Variants in DGKB observed in about 807,000 individuals in gnomAD.
DGKB encodes the protein 90 kDa diacylglycerol kinase.
Under a neutral mutation model 114.3 loss-of-function variants are expected in DGKB, and 67 were observed. That is an observed-to-expected ratio of 0.59 (90% confidence interval 0.48 to 0.72). DGKB has a LOEUF of 0.72. DGKB is among the 30% of genes least tolerant of loss of function. The pLI is 0.00. For missense variants in DGKB, 907 were observed against 975.2 expected (o/e 0.93, Z 0.93); for synonymous variants, 398 against 323.1 (o/e 1.23, Z -2.49).
chr7:14,662,060 TGG>T (rs1817213726), intron 13 of DGKB, among the ~76,000 whole-genome samples: 1 of 151,348 alleles, frequency 6.6e-6, no homozygotes, highest in Admixed American at 6.6e-5. Flanking sequence ...CGTTGTGGGG[TGG>T]GGTTAGGGGA....
intron 13 of DGKB, among the ~76,000 whole-genome samples, chr7:14,642,523 T>C (rs923274599): frequency 4.6e-5 from 7 of 152,144 alleles, no homozygotes; most frequent in African/African-American, 1.7e-4. Flanking sequence ...TTAGGTACTG[T>C]CCAATACAGA....
intron 9 of DGKB, among the ~76,000 whole-genome samples, chr7:14,685,977 T>C (rs1821613461): frequency 6.6e-6 from 1 of 152,184 alleles, no homozygotes; most frequent in South Asian, 2.1e-4. Flanking sequence ...AATAGTATAT[T>C]TTAAAAGGCA....
intron 12 of DGKB, among the ~76,000 whole-genome samples, chr7:14,676,843 G>GA (rs1819949833): frequency 6.6e-6 from 1 of 151,594 alleles, no homozygotes; most frequent in African/African-American, 2.4e-5. Flanking sequence ...GCGCACCAGA[G>GA]AAAATCAAAT....
At chr7:14,536,382 C>A (rs1463412652) in intron 20 of DGKB, among the ~76,000 whole-genome samples, 1 of 152,084 alleles carries the variant, frequency 6.6e-6, no homozygotes, top group African/African-American at 2.4e-5. Context: ...AATGCAATAT[C>A]CCTAATTAAC....
intron 21 of DGKB, among the ~76,000 whole-genome samples, chr7:14,467,564 T>C (rs938246265): frequency 6.6e-6 from 1 of 152,142 alleles, no homozygotes; most frequent in Non-Finnish European, 1.5e-5. Flanking sequence ...TGGCATTACA[T>C]ATCCCAATAT....
intron 25 of DGKB, among the ~76,000 whole-genome samples, chr7:14,158,083 G>A (rs941197428): frequency 2.0e-5 from 3 of 152,132 alleles, no homozygotes; most frequent in East Asian, 1.9e-4. Flanking sequence ...TTTGACCTTC[G>A]GTCTCTGTTT....
At chr7:14,162,065 G>A (rs1326799654) in intron 25 of DGKB, among the ~76,000 whole-genome samples, 2 of 152,134 alleles carry the variant, frequency 1.3e-5, no homozygotes, top group African/African-American at 4.8e-5. Flanking sequence ...CAACAATACA[G>A]ATTATTGCCT....
chr7:14,319,886 A>G (rs1807407521), intron 23 of DGKB, among the ~76,000 whole-genome samples: 1 of 152,304 alleles, frequency 6.6e-6, no homozygotes, highest in Non-Finnish European at 1.5e-5. Flanking sequence ...TTCATCCACA[A>G]GCATCTTCTT....
intron 21 of DGKB, among the ~76,000 whole-genome samples, chr7:14,384,487 G>C (rs1820006213): frequency 6.6e-6 from 1 of 151,842 alleles, no homozygotes; most frequent in East Asian, 1.9e-4. Context: ...TTACTATCTG[G>C]ATTCATACAG....
rs540033616 is a variant in DGKB, at chr7:14,465,008, C to T, written c.1835+13153G>A. The stretch of plus-strand genomic sequence containing the variant: ...GAGTAGCAGCGACAGGGGCGACTCT[C>T]AGTGGAAAAACTTGGTGAAGATGCT... On this transcript the variant is annotated intron_variant, in intron 21 of 25. Transcript: ENST00000402815. Among the ~76,000 whole-genome samples, 341 of 152,110 alleles carry T rather than the reference C, an allele frequency of 2.2e-3. 2 individuals carry two copies. Among genetic ancestry groups the T allele is most frequent in the Non-Finnish European group, 1.7e-3 (113 of 68,026 alleles).
chr7:14,253,300 G>A (rs1795507176), intron 23 of DGKB, among the ~76,000 whole-genome samples: 2 of 152,064 alleles, frequency 1.3e-5, no homozygotes, highest in African/African-American at 4.8e-5. Context: ...CCTAAATGCT[G>A]GGATTATAGG....
chr7:14,770,824 T>G (rs1309317434), intron 2 of DGKB, among the ~76,000 whole-genome samples: 2 of 152,096 alleles, frequency 1.3e-5, no homozygotes, highest in African/African-American at 4.8e-5. Flanking sequence ...GTTTTAGCAC[T>G]GACTGAGTTG....
At chr7:14,895,856 C>T (rs1355922264) in intron 1 of DGKB, among the ~76,000 whole-genome samples, 1 of 151,696 alleles carries the variant, frequency 6.6e-6, no homozygotes, top group Non-Finnish European at 1.5e-5. Context: ...AATTCTCCAG[C>T]CCTTATTTCT....
chr7:14,730,685 G>A (rs1220971205), intron 5 of DGKB, among the ~76,000 whole-genome samples: 4 of 152,108 alleles, frequency 2.6e-5, no homozygotes, highest in African/African-American at 9.7e-5. Flanking sequence ...CTTCTTCACT[G>A]TGACTCTGGA....
chr7:14,790,346 G>A (rs1421984280), intron 2 of DGKB, among the ~76,000 whole-genome samples: 1 of 152,090 alleles, frequency 6.6e-6, no homozygotes, highest in Non-Finnish European at 1.5e-5. Context: ...TCAATATCAA[G>A]TCTAAGAAAT....
chr7:14,346,715 A>G (rs1197274840), intron 21 of DGKB, among the ~76,000 whole-genome samples: 1 of 151,948 alleles, frequency 6.6e-6, no homozygotes, highest in East Asian at 1.9e-4. Context: ...ATATTAAATT[A>G]ATGTAAATGT....
intron 23 of DGKB, among the ~76,000 whole-genome samples, chr7:14,316,135 T>G (rs1244523921): frequency 6.6e-6 from 1 of 150,386 alleles, no homozygotes; most frequent in African/African-American, 2.5e-5. Context: ...TTCAAAGCAG[T>G]GTGTAGAGGG....
At chr7:14,246,271 G>A (rs2128379075) in intron 23 of DGKB, among the ~76,000 whole-genome samples, 1 of 152,244 alleles carries the variant, frequency 6.6e-6, no homozygotes, top group South Asian at 2.1e-4. Context: ...TGCTTGACAT[G>A]CTTCACATCT....
intron 23 of DGKB, among the ~76,000 whole-genome samples, chr7:14,236,484 C>T (rs1792806767): frequency 6.6e-6 from 1 of 151,738 alleles, no homozygotes; most frequent in South Asian, 2.1e-4. Context: ...CTTGAAACAA[C>T]ATATACATTG....
Sources: allele counts gnomAD v4.1 joint callset (sites outside exome capture counted in the v4.1 genomes callset), GRCh38; gene constraint gnomAD v4.1.1; transcripts MANE v1.5; gene names NCBI Gene and HGNC (gene_info 2026-07-23, HGNC 2026-07-21).